CHRM3: variants seen among roughly 807,000 people sequenced by gnomAD.
CHRM3 encodes the protein muscarinic acetylcholine receptor M3.
In CHRM3, 11 loss-of-function variants were observed where a neutral mutation model predicts 41.8. The observed-to-expected ratio is 0.26, with a 90% confidence interval of 0.17 to 0.44. The LOEUF (loss-of-function observed/expected upper bound fraction) is 0.44. CHRM3 is among the 20% of genes least tolerant of loss of function. The pLI, the probability that CHRM3 is intolerant of heterozygous loss-of-function variation, is 1.00. For synonymous variants in CHRM3, 297 were observed against 301.4 expected (o/e 0.99, Z 0.15); for missense variants, 571 against 745.4 (o/e 0.77, Z 2.72).
chr1:239,511,374 T>C (rs1668909640), intron 2 of CHRM3, among the ~76,000 whole-genome samples: 1 of 152,208 alleles, frequency 6.6e-6, no homozygotes, highest in Admixed American at 6.5e-5. Context: ...ATTATAAAGC[T>C]GAGATTTATA....
chr1:239,769,008 ACCCACCTCGGCCTC>A (rs1259528135), intron 5 of CHRM3, among the ~76,000 whole-genome samples: 1 of 151,178 alleles, frequency 6.6e-6, no homozygotes, highest in Non-Finnish European at 1.5e-5. Flanking sequence ...CAAGTGATCC[ACCCACCTCGGCCTC>A]CCCAAATGCT....
chr1:239,905,194 G>T (rs538486287), intron 6 of CHRM3, among the ~76,000 whole-genome samples: 1 of 152,312 alleles, frequency 6.6e-6, no homozygotes, highest in South Asian at 2.1e-4. Context: ...GGCGTGTGAT[G>T]ATTTTTAACC....
rs752634022 is a variant in CHRM3, at chr1:239,516,003, G to T, written c.-422+23196G>T. ...GGTAATCTATCTTTTACTATCAAGA[G>T]CTTAGATAACTAATGACTGCTTTCT... On this transcript the variant is annotated intron_variant, in intron 2 of 6. Transcript: ENST00000676153. 1.2e-3 allele frequency among the ~76,000 whole-genome samples: 190 copies of T among 152,132 alleles called. 1 individual carries two copies. Among genetic ancestry groups the T allele is most frequent in the South Asian group, 2.3e-3 (11 of 4,830 alleles).
intron 4 of CHRM3, among the ~76,000 whole-genome samples, chr1:239,654,118 C>T (rs1353039786): frequency 3.9e-5 from 6 of 152,020 alleles, no homozygotes; most frequent in Admixed American, 6.5e-5. Context: ...TGAGCCACCA[C>T]GCCTGGCTAA....
intron 5 of CHRM3, among the ~76,000 whole-genome samples, chr1:239,721,208 T>C (rs1180830235): frequency 6.6e-6 from 1 of 151,836 alleles, no homozygotes; most frequent in African/African-American, 2.4e-5. Context: ...ACAGAGTCTC[T>C]CTCTAATTCT....
intron 4 of CHRM3, among the ~76,000 whole-genome samples, chr1:239,669,383 T>C (rs2149050154): frequency 6.6e-6 from 1 of 152,286 alleles, no homozygotes; most frequent in South Asian, 2.1e-4. Context: ...CTCTACACGT[T>C]GTTGTTTTAT....
intron 1 of CHRM3, among the ~76,000 whole-genome samples, chr1:239,460,166 A>G (rs190069342): frequency 6.6e-6 from 1 of 152,296 alleles, no homozygotes; most frequent in Admixed American, 6.5e-5. Context: ...CGCGCTGGAC[A>G]TTTATCCATT....
intron 3 of CHRM3, among the ~76,000 whole-genome samples, chr1:239,572,654 T>C (rs1474949685): frequency 6.6e-6 from 1 of 152,202 alleles, no homozygotes; most frequent in Admixed American, 6.5e-5. Flanking sequence ...GTAACCTTGT[T>C]CCCAAGGATA....
intron 1 of CHRM3, among the ~76,000 whole-genome samples, chr1:239,491,737 T>C (rs1164145211): frequency 1.3e-5 from 2 of 152,240 alleles, no homozygotes. Flanking sequence ...TAGTTCTATT[T>C]TTAGTTTTTT....
At chr1:239,679,032 G>GATAGATAGATAA (rs1658294771) in intron 5 of CHRM3, among the ~76,000 whole-genome samples, 1 of 137,020 alleles carries the variant, frequency 7.3e-6, no homozygotes, top group African/African-American at 3.0e-5. Flanking sequence ...TAGATGGATA[G>GATAGATAGATAA]ATAGATAGAT....
At chr1:239,618,911 AT>A (rs1390003184) in intron 3 of CHRM3, among the ~76,000 whole-genome samples, 6 of 46,994 alleles carry the variant, frequency 1.3e-4, no homozygotes, top group Non-Finnish European at 2.0e-4. Context: ...TTTATGATTT[AT>A]TTATTTATTT....
chr1:239,744,292 C>CA (rs1207554604), intron 5 of CHRM3, among the ~76,000 whole-genome samples: 44 of 151,802 alleles, frequency 2.9e-4, no homozygotes, highest in African/African-American at 9.7e-4. Flanking sequence ...GGAATGGATA[C>CA]AAAAAGAAGT....
intron 5 of CHRM3, among the ~76,000 whole-genome samples, chr1:239,710,404 C>G (rs1356497131): frequency 6.6e-6 from 1 of 152,048 alleles, no homozygotes; most frequent in Non-Finnish European, 1.5e-5. Context: ...AATTCCATAT[C>G]TATAGGCAGG....
rs74225145 is a variant in CHRM3, at chr1:239,747,695, A to G, written c.-147+69407A>G. Among the ~76,000 whole-genome samples the G allele has an allele frequency of 1.5e-4, 23 of 152,352 alleles. No homozygotes were observed. The East Asian group carries it at 4.4e-3, about 29-fold the overall frequency. The stretch of plus-strand genomic sequence containing the variant: ...TTGAAAGTATTAGTAACATGTTTTC[A>G]AACTATTTTATAAGTAAAATAATGC... On this transcript the variant is annotated intron_variant, in intron 5 of 6. Coordinates refer to ENST00000676153, the MANE Select transcript of CHRM3 (RefSeq NM_001375978.1).
intron 5 of CHRM3, among the ~76,000 whole-genome samples, chr1:239,777,215 AC>A (rs1347521032): frequency 6.6e-6 from 1 of 152,198 alleles, no homozygotes; most frequent in Non-Finnish European, 1.5e-5. Context: ...CTAGGAATAA[AC>A]AAGAATCCAC....
chr1:239,643,338 A>C (rs1365729052), intron 4 of CHRM3, among the ~76,000 whole-genome samples: 1 of 152,194 alleles, frequency 6.6e-6, no homozygotes, highest in African/African-American at 2.4e-5. Context: ...GGTTACTGCT[A>C]TCTTTTTATT....
chr1:239,861,365 T>G (rs1177324657), intron 6 of CHRM3, among the ~76,000 whole-genome samples: 1 of 152,016 alleles, frequency 6.6e-6, no homozygotes, highest in East Asian at 1.9e-4. Context: ...AGTTGAGATA[T>G]GAAGGATAAT....
chr1:239,645,099 G>A (rs1671625542), intron 4 of CHRM3, among the ~76,000 whole-genome samples: 1 of 152,196 alleles, frequency 6.6e-6, no homozygotes, highest in South Asian at 2.1e-4. Flanking sequence ...CTGGATGGCA[G>A]AGCCGCCCTC....
Position 239,816,775 on chromosome 1 carries a change from G to A in CHRM3, c.-146-10477G>A, listed in dbSNP as rs569316096. Among the ~76,000 whole-genome samples, 262 of 146,488 alleles carry A rather than the reference G, an allele frequency of 1.8e-3. 1 individual carries two copies. Among genetic ancestry groups the A allele is most frequent in the Non-Finnish European group, 2.3e-3 (154 of 67,398 alleles). On this transcript the variant is annotated intron_variant, in intron 5 of 6. Coordinates refer to ENST00000676153, the MANE Select transcript of CHRM3 (RefSeq NM_001375978.1). ...GAGAGGGAGTCTCACTCTGTTGCCA[G>A]GCTGGTGTGCAGTGGCACGATCTCA...
Sources: allele counts gnomAD v4.1 joint callset (sites outside exome capture counted in the v4.1 genomes callset), GRCh38; gene constraint gnomAD v4.1.1; transcripts MANE v1.5; gene names NCBI Gene and HGNC (gene_info 2026-07-23, HGNC 2026-07-21).